The following CSMD1 variants were observed in gnomAD, a reference collection of about 807,000 sequenced individuals.
The protein encoded by CSMD1 is CUB and Sushi multiple domains 1.
Under a neutral mutation model 417.5 loss-of-function variants are expected in CSMD1, and 213 were observed. That is an observed-to-expected ratio of 0.51 (90% confidence interval 0.46 to 0.57). The LOEUF is 0.57. CSMD1 is among the 20% of genes least tolerant of loss of function. The probability of loss-of-function intolerance (pLI) is 0.00; values close to 1 mark genes in which losing one functional copy is unlikely to be tolerated. For synonymous variants in CSMD1, 2,862 were observed against 1,736.8 expected (o/e 1.65, Z -16.11); for missense variants, 6,923 against 4,529.7 (o/e 1.53, Z -15.17).
chr8:4,294,320 G>A (rs1189126167), intron 3 of CSMD1, among the ~76,000 whole-genome samples: 1 of 152,074 alleles, frequency 6.6e-6, no homozygotes, highest in African/African-American at 2.4e-5. Context: ...AATAATACGT[G>A]CACTGACGGT....
At chr8:4,854,472 G>T (rs932062218) in intron 1 of CSMD1, among the ~76,000 whole-genome samples, 1 of 152,144 alleles carries the variant, frequency 6.6e-6, no homozygotes, top group Admixed American at 6.5e-5. Context: ...CGCAGAAGAC[G>T]GGTGATTTCT....
chr8:4,693,720 C>T lies in CSMD1; in HGVS notation c.86-56162G>A, dbSNP rs947271692. Among the ~76,000 whole-genome samples, 5 of 65,872 alleles carry T rather than the reference C, an allele frequency of 7.6e-5. No homozygotes were observed. The Admixed American group carries it at 9.0e-4, about 12-fold the overall frequency. The allele number at this position is 65,872 out of a possible 152,430, so 43.2% of individuals were successfully genotyped here. Reference sequence around the variant, plus strand: ...TCCCTACGCTTCCCAGGCTGGAGTACACTGACTATTCATAGATGTGATCAT... The same window carrying T: ...TCCCTACGCTTCCCAGGCTGGAGTATACTGACTATTCATAGATGTGATCAT... On this transcript the variant is annotated intron_variant, in intron 1 of 69. Coordinates refer to ENST00000635120, the MANE Select transcript of CSMD1 (RefSeq NM_033225.6).
intron 5 of CSMD1, 132 bp downstream of exon 5, chr8:3,997,771 G>C (rs761057511): frequency 1.2e-4 from 95 of 773,574 alleles, no homozygotes; most frequent in Non-Finnish European, 1.8e-4. Context: ...AGAGCCAAAA[G>C]AGCAAGGCGA....
chr8:4,253,241 G>T (rs923509996), intron 3 of CSMD1, among the ~76,000 whole-genome samples: 1 of 152,244 alleles, frequency 6.6e-6, no homozygotes, highest in African/African-American at 2.4e-5. Flanking sequence ...CAGATAAAAT[G>T]ACATCTCCAA....
chr8:3,656,679 G>C (rs894371446), intron 7 of CSMD1, among the ~76,000 whole-genome samples: 4 of 152,152 alleles, frequency 2.6e-5, no homozygotes, highest in Non-Finnish European at 4.4e-5. Flanking sequence ...TGTAATCCCA[G>C]CACTTTGGGA....
intron 3 of CSMD1, among the ~76,000 whole-genome samples, chr8:4,398,107 A>C (rs904182501): frequency 1.8e-4 from 27 of 152,178 alleles, no homozygotes; most frequent in African/African-American, 6.5e-4. Context: ...GCCATCTTTT[A>C]TGTTGCTAAT....
At chr8:4,339,900 C>T (rs1199035855) in intron 3 of CSMD1, among the ~76,000 whole-genome samples, 3 of 152,016 alleles carry the variant, frequency 2.0e-5, no homozygotes, top group Non-Finnish European at 4.4e-5. Flanking sequence ...TGGCACGCAC[C>T]AGTAGTCCTG....
intron 2 of CSMD1, among the ~76,000 whole-genome samples, chr8:4,587,512 T>C (rs1354649371): frequency 2.6e-5 from 4 of 152,096 alleles, no homozygotes; most frequent in African/African-American, 7.2e-5. Context: ...TATGCACACA[T>C]GAATTTCTCC....
chr8:3,621,921 T>A (rs1196358773), intron 7 of CSMD1, among the ~76,000 whole-genome samples: 1 of 152,026 alleles, frequency 6.6e-6, no homozygotes, highest in East Asian at 1.9e-4. Flanking sequence ...TGTATGCTTA[T>A]AATGGTTAAA....
At chr8:3,445,046 G>A (rs1463716791) in intron 12 of CSMD1, among the ~76,000 whole-genome samples, 1 of 152,138 alleles carries the variant, frequency 6.6e-6, no homozygotes, top group Non-Finnish European at 1.5e-5. Context: ...TAAACACTCT[G>A]GAGATGCAAT....
At chr8:3,641,383 A>T (rs1481013357) in intron 7 of CSMD1, among the ~76,000 whole-genome samples, 2 of 152,124 alleles carry the variant, frequency 1.3e-5, no homozygotes, top group African/African-American at 4.8e-5. Flanking sequence ...CTAACGTCAG[A>T]CTGAGCAGAT....
chr8:4,966,270 T>C (rs911733741), intron 1 of CSMD1, among the ~76,000 whole-genome samples: 4 of 150,458 alleles, frequency 2.7e-5, no homozygotes, highest in East Asian at 2.0e-4. Context: ...TCCCAGCTAC[T>C]TGGGAGGCTG....
At chr8:3,807,271 C>G (rs775228696) in intron 5 of CSMD1, among the ~76,000 whole-genome samples, 1 of 152,106 alleles carries the variant, frequency 6.6e-6, no homozygotes, top group East Asian at 1.9e-4. Flanking sequence ...TCAACAGAAA[C>G]TTAAGCAACC....
intron 25 of CSMD1, among the ~76,000 whole-genome samples, chr8:3,300,931 C>T (rs76096819): frequency 3.0e-5 from 4 of 133,468 alleles, no homozygotes; most frequent in Admixed American, 8.6e-5. Flanking sequence ...CGCACTCCAG[C>T]CTGGACAACA....
chr8:3,557,219 C>T (rs754050753), intron 10 of CSMD1, among the ~76,000 whole-genome samples: 7 of 152,202 alleles, frequency 4.6e-5, no homozygotes, highest in Middle Eastern at 3.2e-3. Context: ...ATTAGTACAA[C>T]ATATTTGGCC....
intron 5 of CSMD1, among the ~76,000 whole-genome samples, chr8:3,774,887 G>T (rs1011148617): frequency 6.6e-6 from 1 of 152,080 alleles, no homozygotes; most frequent in Non-Finnish European, 1.5e-5. Context: ...GAGCCCATAT[G>T]TACACAATGT....
intron 5 of CSMD1, among the ~76,000 whole-genome samples, chr8:3,921,566 A>T (rs907839583): frequency 6.6e-6 from 1 of 151,842 alleles, no homozygotes; most frequent in African/African-American, 2.4e-5. Flanking sequence ...CTTTTGCTTC[A>T]TCTATTTTGG....
At chr8:3,666,710 TA>T (rs1195182092) in intron 7 of CSMD1, among the ~76,000 whole-genome samples, 1 of 152,206 alleles carries the variant, frequency 6.6e-6, no homozygotes, top group Non-Finnish European at 1.5e-5. Flanking sequence ...GATGTCTTTA[TA>T]AGGGGAAACC....
At chr8:4,435,194 CACAAGT>C (rs1202746654) in intron 2 of CSMD1, among the ~76,000 whole-genome samples, 7 of 152,158 alleles carry the variant, frequency 4.6e-5, no homozygotes, top group East Asian at 3.9e-4. Flanking sequence ...TAAATTGATA[CACAAGT>C]ACATCAGCCA....
Sources: allele counts gnomAD v4.1 joint callset (sites outside exome capture counted in the v4.1 genomes callset), GRCh38; gene constraint gnomAD v4.1.1; transcripts MANE v1.5; gene names NCBI Gene and HGNC (gene_info 2026-07-23, HGNC 2026-07-21).